The following FBXO3 variants were observed in gnomAD, a reference collection of about 807,000 sequenced individuals.
The protein encoded by FBXO3 is F-box only protein 3.
Under a neutral mutation model 64.8 loss-of-function variants are expected in FBXO3, and 17 were observed. The observed-to-expected ratio is 0.26, with a 90% CI of 0.18 to 0.39. The LOEUF (loss-of-function observed/expected upper bound fraction) is 0.39, where lower values mean the gene tolerates loss of function less well. FBXO3 is among the 10% of genes least tolerant of loss of function. The pLI is 1.00. For synonymous variants in FBXO3, 182 were observed against 201.6 expected, an observed-to-expected ratio of 0.90 and a Z score of 0.82; for missense variants, 420 against 589.9, an observed-to-expected ratio of 0.71 and a Z score of 2.98.
rs1353288298 is a variant in FBXO3 at position 33,754,650 on chromosome 11, G to T, written c.679-150C>A. 5 of 603,116 alleles carry T rather than the reference G, an allele frequency of 8.3e-6. No individual in the cohort carries two copies. In the Admixed American group the frequency reaches 1.8e-4, roughly 22 times the overall value. The allele number at this position is 603,116 out of a possible 1,614,324, so 37.4% of individuals were successfully genotyped here. ...TATGGCTTGTTATCCTAGAAGAAAG[G>T]GTTCTGAATCAGAGTCAAGAGATCC... On this transcript the variant is annotated intron_variant, in intron 5 of 10. Coordinates refer to ENST00000265651, the MANE Select transcript of FBXO3 (RefSeq NM_012175.4).
At chr11:33,762,230 A>G (rs1855260257) in intron 3 of FBXO3, among the ~76,000 whole-genome samples, 1 of 152,228 alleles carries the variant, frequency 6.6e-6, no homozygotes, top group Non-Finnish European at 1.5e-5. Context: ...AATAACTAAC[A>G]GAACAGGCAG....
intron 3 of FBXO3, among the ~76,000 whole-genome samples, chr11:33,768,034 A>C (rs569347982): frequency 2.6e-5 from 4 of 152,350 alleles, no homozygotes; most frequent in Admixed American, 2.6e-4. Context: ...CACAAAATGC[A>C]AAAGGAATAC....
At chr11:33,751,145 C>T (rs1230552535) in intron 7 of FBXO3, among the ~76,000 whole-genome samples, 1 of 152,124 alleles carries the variant, frequency 6.6e-6, no homozygotes, top group Non-Finnish European at 1.5e-5. Flanking sequence ...CTGAATGTTC[C>T]ATTTAGAGAT....
intron 6 of FBXO3, chr11:33,753,931 C>G (rs1855026490): frequency 6.6e-6 from 1 of 152,154 alleles, no homozygotes; most frequent in South Asian, 2.1e-4. Flanking sequence ...GAAGGGTTCT[C>G]AAAACCTATA....
Position 33,748,901 on chromosome 11 carries a change from G to A in FBXO3, c.933-9C>T, listed in dbSNP as rs1232567928. The A allele has an allele frequency of 3.8e-6, 6 of 1,586,168 alleles. No homozygotes were observed. The highest frequency in any genetic ancestry group is 5.2e-6 in the Non-Finnish European group (6 of 1,154,944). ...CTTTTGACATTTCAATCCTAGAGAA[G>A]GGAATGGGGTGGTAGAGACAAAAAT... On this transcript the variant is annotated splice_polypyrimidine_tract_variant and intron_variant, in intron 8 of 10. Transcript: ENST00000265651.
intron 10 of FBXO3, chr11:33,746,867 T>C: frequency 7.1e-7 from 1 of 1,417,318 alleles, no homozygotes; most frequent in Non-Finnish European, 9.1e-7. Context: ...TAATGTGGTA[T>C]TTCTCATAAT....
chr11:33,746,685 A>G (rs1484774817), intron 10 of FBXO3: 5 of 1,252,214 alleles, frequency 4.0e-6, no homozygotes, highest in Non-Finnish European at 4.4e-6. Flanking sequence ...AAATATACCT[A>G]GTTGACTTAA....
At chr11:33,746,947 G>A in intron 10 of FBXO3, 183 bp downstream of exon 10, 4 of 1,450,298 alleles carry the variant, frequency 2.8e-6, no homozygotes, top group South Asian at 1.5e-5. Flanking sequence ...TCTGGTTAGA[G>A]ACTATGGAGC....
chr11:33,746,709 A>C, intron 10 of FBXO3: 1 of 1,404,166 alleles, frequency 7.1e-7, no homozygotes, highest in Non-Finnish European at 9.5e-7. Context: ...ATGATCCCAG[A>C]GAGACTGCCA....
At chr11:33,747,830 T>C (rs1253241634) in intron 9 of FBXO3, among the ~76,000 whole-genome samples, 2 of 150,032 alleles carry the variant, frequency 1.3e-5, no homozygotes, top group South Asian at 2.1e-4. Context: ...ATTTTTTTAA[T>C]GTATTCCTCA....
intron 6 of FBXO3, 91 bp downstream of exon 6, chr11:33,754,364 T>C: frequency 9.3e-7 from 1 of 1,074,870 alleles, no homozygotes; most frequent in South Asian, 1.6e-5. Flanking sequence ...TGCCAGCTGC[T>C]AAAGTAGCTG....
In FBXO3 at chr11:33,754,584, C is replaced by T. The variant is rs576382632; in HGVS notation, c.679-84G>A. On this transcript the variant is annotated intron_variant, in intron 5 of 10. Coordinates refer to ENST00000265651, the MANE Select transcript of FBXO3 (RefSeq NM_012175.4). ...CATTATCTGTATCTTTCCCTGGAGA[C>T]GAGGCAAAACAGATAAAAATAAAGT... 89 of 1,131,974 alleles carry T rather than the reference C, an allele frequency of 7.9e-5. 1 individual carries two copies. In the East Asian group the frequency reaches 1.7e-3, roughly 21 times the overall value. The allele number at this position is 1,131,974 out of a possible 1,614,324, so 70.1% of individuals were successfully genotyped here. A position where few individuals can be genotyped will look rare whatever the true frequency, so the allele number is the denominator to read the frequency against.
chr11:33,753,936 C>T (rs1160432687), intron 6 of FBXO3: 3 of 152,154 alleles, frequency 2.0e-5, no homozygotes, highest in African/African-American at 7.2e-5. Flanking sequence ...GTTCTCAAAA[C>T]CTATAAGAAA....
chr11:33,743,925 A>G lies in FBXO3; in HGVS notation c.1240-1841T>C, dbSNP rs1289822323. 6.6e-6 allele frequency: 1 copy of G among 152,228 alleles called. No homozygotes were observed. Among genetic ancestry groups the G allele is most frequent in the Non-Finnish European group, 1.5e-5 (1 of 68,040 alleles). The allele number at this position is 152,228 out of a possible 1,614,324, so 9.4% of individuals were successfully genotyped here. On this transcript the variant is annotated intron_variant, in intron 10 of 10. Coordinates refer to ENST00000265651, the MANE Select transcript of FBXO3 (RefSeq NM_012175.4). The surrounding 1 kb of genome is among the most constrained non-coding windows in gnomAD (Gnocchi z 4.6). ...AGTTTGTCTCTTTGAATTGGAATGTAAATTCCAAGGCAGGGAATTTGATTA... is the reference window on the plus strand; with the variant it reads ...AGTTTGTCTCTTTGAATTGGAATGTGAATTCCAAGGCAGGGAATTTGATTA...
At chr11:33,754,580 G>A in intron 5 of FBXO3, 80 bp from the exon 6 acceptor site, 2 of 1,223,788 alleles carry the variant, frequency 1.6e-6, no homozygotes, top group African/African-American at 3.1e-5. Context: ...TCTTTCCCTG[G>A]AGACGAGGCA....
chr11:33,764,928 C>G (rs1387071658), intron 3 of FBXO3, among the ~76,000 whole-genome samples: 1 of 152,152 alleles, frequency 6.6e-6, no homozygotes, highest in Non-Finnish European at 1.5e-5. Context: ...GAGCCAAGAT[C>G]ATGCCACTGT....
At chr11:33,773,719 A>G (rs1202134587) in intron 1 of FBXO3, 1 of 152,316 alleles carries the variant, frequency 6.6e-6, no homozygotes, top group Non-Finnish European at 1.5e-5. Flanking sequence ...AGATGCTAGT[A>G]ATGTGGGAAA....
At chr11:33,771,693 G>A (rs1169888117) in intron 1 of FBXO3, 2 of 152,188 alleles carry the variant, frequency 1.3e-5, no homozygotes, top group African/African-American at 4.8e-5. Flanking sequence ...ACCATCTATA[G>A]TAAACAAAAT....
chr11:33,766,059 T>G (rs1369388797), intron 3 of FBXO3, among the ~76,000 whole-genome samples: 1 of 152,238 alleles, frequency 6.6e-6, no homozygotes, highest in East Asian at 1.9e-4. Context: ...TTTCACCTCT[T>G]TAATCCTGTT....
Sources: gnomAD v4.1 joint callset for allele counts (sites outside exome capture counted in the v4.1 genomes callset) on GRCh38, gnomAD v4.1.1 for gene constraint, Gnocchi (gnomAD v3.1) non-coding constraint, MANE v1.5 for transcripts, NCBI Gene and HGNC (gene_info 2026-07-23, HGNC 2026-07-21) for gene names.